Variants in ARHGEF10 observed in about 807,000 individuals in gnomAD.
The protein encoded by ARHGEF10 is Rho guanine nucleotide exchange factor (GEF) 10.
In ARHGEF10, 140 loss-of-function variants were observed where a neutral mutation model predicts 147.4. The observed-to-expected ratio is 0.95, with a 90% CI of 0.83 to 1.09. The LOEUF is 1.09. Ranked by LOEUF, ARHGEF10 falls within the 50% of genes least tolerant of loss-of-function variation. ARHGEF10 has a pLI of 0.00. For synonymous variants in ARHGEF10, 902 were observed against 695.8 expected, an observed-to-expected ratio of 1.30 and a Z score of -4.67; for missense variants, 2,222 against 1,752.7, an observed-to-expected ratio of 1.27 and a Z score of -4.78.
intron 10 of ARHGEF10, 34 bp downstream of exon 10, chr8:1,882,783 A>G (rs1262519543): frequency 7.7e-7 from 1 of 1,294,896 alleles, no homozygotes. Context: ...CGGGGAGGAC[A>G]CGGGGTTGGG....
chr8:1,910,742 T>C (rs538725827), intron 18 of ARHGEF10, among the ~76,000 whole-genome samples: 55 of 152,344 alleles, frequency 3.6e-4, no homozygotes, highest in African/African-American at 1.3e-3. Flanking sequence ...TTTGGAAACA[T>C]TGATTGGCAA....
chr8:1,882,827 G>A lies in ARHGEF10; in HGVS notation c.1075+78G>A. On this transcript the variant is annotated intron_variant, in intron 10 of 28. Transcript: ENST00000349830. ...CCACATCTTGTGGGGAGGACTCGGG[G>A]TGGGGGGCGGCCGCGCAGGCTCCCA... 9.6e-6 allele frequency: 7 copies of A among 727,936 alleles called. 1 individual carries two copies. The highest frequency in any genetic ancestry group is 1.1e-5 in the Non-Finnish European group (5 of 447,378). The allele number at this position is 727,936 out of a possible 1,614,324, so 45.1% of individuals were successfully genotyped here. A position where few individuals can be genotyped will look rare whatever the true frequency, so the allele number is the denominator to read the frequency against.
chr8:1,952,212 G>A (rs1055867006), intron 27 of ARHGEF10, among the ~76,000 whole-genome samples: 4 of 152,218 alleles, frequency 2.6e-5, no homozygotes, highest in African/African-American at 9.6e-5. Flanking sequence ...AGGCCGTTCA[G>A]TTCCCCTCTA....
chr8:1,876,693 G>A lies in ARHGEF10; in HGVS notation c.802G>A (p.Gly268Arg). ...GCAGAGTGACTCGGAGTGCAAGAATGGGATTCCCAGGTCCTTCCTGCGCAG... is the reference window on the plus strand; with the variant it reads ...GCAGAGTGACTCGGAGTGCAAGAATAGGATTCCCAGGTCCTTCCTGCGCAG... The part of the protein sequence containing the change: ...EEQSDSECKN[G>R]IPRSFLRSNH... Residue 268 changes from glycine (G) to arginine (R), a missense_variant, in exon 8 of 29, where the codon GGG becomes AGG. Transcript: ENST00000349830. The A allele has an allele frequency of 6.2e-7, 1 of 1,614,210 alleles. No individual in the cohort carries two copies.
chr8:1,933,679 A>G, intron 25 of ARHGEF10, 121 bp from the exon 26 acceptor site: 1 of 1,294,594 alleles, frequency 7.7e-7, no homozygotes, highest in Non-Finnish European at 1.1e-6. Context: ...GATCAGGCAC[A>G]AGCATTAACA....
chr8:1,860,860 T>A (rs986411920), intron 4 of ARHGEF10, among the ~76,000 whole-genome samples: 6 of 152,096 alleles, frequency 3.9e-5, no homozygotes, highest in African/African-American at 1.4e-4. Context: ...TGTGTCTCGC[T>A]GTCTTCATTC....
intron 5 of ARHGEF10, among the ~76,000 whole-genome samples, chr8:1,865,606 C>T (rs1204342491): frequency 2.0e-5 from 3 of 152,262 alleles, no homozygotes. Context: ...AGGGCCATCA[C>T]CAGGACACGG....
At chr8:1,849,949 G>A (rs1241676283) in intron 2 of ARHGEF10, among the ~76,000 whole-genome samples, 4 of 130,196 alleles carry the variant, frequency 3.1e-5, no homozygotes, top group South Asian at 2.6e-4. Flanking sequence ...TGGACACAGA[G>A]GGCAAATGCT....
chr8:1,865,867 G>A (rs1311668663), intron 5 of ARHGEF10, among the ~76,000 whole-genome samples: 2 of 152,182 alleles, frequency 1.3e-5, no homozygotes, highest in African/African-American at 4.8e-5. Flanking sequence ...CCCACAGGAC[G>A]CGGTGTCGGG....
intron 21 of ARHGEF10, among the ~76,000 whole-genome samples, chr8:1,924,241 C>T (rs1812515189): frequency 6.6e-6 from 1 of 152,102 alleles, no homozygotes; most frequent in Admixed American, 6.5e-5. Context: ...TTCCTCTTGG[C>T]CCTTCTGCTC....
intron 1 of ARHGEF10, among the ~76,000 whole-genome samples, chr8:1,835,037 G>C (rs562447013): frequency 2.0e-4 from 31 of 152,318 alleles, no homozygotes; most frequent in Non-Finnish European, 4.4e-4. Context: ...AGCTCGGCTC[G>C]GTCGGGGAGT....
At chr8:1,892,609 G>T (rs1809633154) in intron 11 of ARHGEF10, among the ~76,000 whole-genome samples, 1 of 151,886 alleles carries the variant, frequency 6.6e-6, no homozygotes. Context: ...CAGGTAGCCT[G>T]ATGCTACACT....
chr8:1,905,220 T>G (rs1162208090), intron 16 of ARHGEF10, among the ~76,000 whole-genome samples: 1 of 151,668 alleles, frequency 6.6e-6, no homozygotes, highest in Non-Finnish European at 1.5e-5. Flanking sequence ...ACTGATGGTT[T>G]TGCTTTGGCT....
chr8:1,842,762 A>C (rs1273052702), intron 1 of ARHGEF10, among the ~76,000 whole-genome samples: 2 of 152,210 alleles, frequency 1.3e-5, no homozygotes, highest in African/African-American at 4.8e-5. Context: ...CATCTAGCTC[A>C]CACTCAAACT....
chr8:1,920,146 T>C (rs1449619760), intron 18 of ARHGEF10, among the ~76,000 whole-genome samples: 1 of 139,444 alleles, frequency 7.2e-6, no homozygotes. Flanking sequence ...GCCCTGGAGT[T>C]CTCCCTCAGG....
At chr8:1,908,457 C>A (rs1224714553) in intron 17 of ARHGEF10, among the ~76,000 whole-genome samples, 1 of 152,130 alleles carries the variant, frequency 6.6e-6, no homozygotes. Context: ...TGGTCTCAAT[C>A]TCCTGACCTT....
chr8:1,933,751 C>T (rs1390954302), intron 25 of ARHGEF10, 49 bp from the exon 26 acceptor site: 1 of 1,610,810 alleles, frequency 6.2e-7, no homozygotes, highest in South Asian at 1.1e-5. Context: ...TTTCCCATTC[C>T]TGTGCACAGA....
chr8:1,933,671 T>C (rs1055351025), intron 25 of ARHGEF10, 129 bp from the exon 26 acceptor site: 2 of 1,229,122 alleles, frequency 1.6e-6, no homozygotes, highest in Non-Finnish European at 2.4e-6. Flanking sequence ...ACAGCCAGGA[T>C]CAGGCACAAG....
At chr8:1,903,518 G>T in intron 16 of ARHGEF10, 67 bp downstream of exon 16, 1 of 1,584,140 alleles carries the variant, frequency 6.3e-7, no homozygotes, top group Non-Finnish European at 8.6e-7. Flanking sequence ...AGCTGTCGTT[G>T]TCCAGCAATA....
Sources: gnomAD v4.1 joint callset for allele counts (sites outside exome capture counted in the v4.1 genomes callset) on GRCh38, gnomAD v4.1.1 for gene constraint, MANE v1.5 for transcripts, NCBI Gene and HGNC (gene_info 2026-07-23, HGNC 2026-07-21) for gene names.